The following TERF2IP variants were observed in gnomAD, a reference collection of about 807,000 sequenced individuals.
The protein encoded by TERF2IP is telomeric repeat-binding factor 2-interacting protein 1.
TERF2IP carries 35 observed loss-of-function variants against 33.3 expected under a neutral mutation model. That is an observed-to-expected ratio of 1.05 (90% CI 0.80 to 1.39). The LOEUF is 1.39. Ranked by LOEUF, TERF2IP falls within the 40% of genes most tolerant of loss-of-function variation. TERF2IP has a pLI of 0.00. For missense variants in TERF2IP, 583 were observed against 524.8 expected, an observed-to-expected ratio of 1.11 and a Z score of -1.08; for synonymous variants, 253 against 223.2, an observed-to-expected ratio of 1.13 and a Z score of -1.19.
At chr16:75,655,276 A>C (rs2082376471) in intron 2 of TERF2IP, among the ~76,000 whole-genome samples, 1 of 152,238 alleles carries the variant, frequency 6.6e-6, no homozygotes, top group Non-Finnish European at 1.5e-5. Context: ...AGTCTAGCTT[A>C]TATTACTCTG....
chr16:75,656,444 G>C lies in TERF2IP; in HGVS notation c.1033G>C (p.Ala345Pro). 1.2e-6 allele frequency: 2 copies of C among 1,614,188 alleles called. No homozygotes were observed. Among genetic ancestry groups the C allele is most frequent in the South Asian group, 1.1e-5 (1 of 91,084 alleles). The change falls in exon 3 of 3, where the codon GCT (alanine) becomes CCT (proline). Residue 345 changes from alanine (A) to proline (P), a missense_variant. Coordinates refer to ENST00000300086, the MANE Select transcript of TERF2IP (RefSeq NM_018975.4). ...AFLKNSGELE[A>P]TSAFLASGQR... ...CCTAAAAAATAGTGGTGAGCTGGAG[G>C]CTACTTCCGCCTTCTTAGCGTCTGG...
chr16:75,648,097 C>T lies in TERF2IP; in HGVS notation c.215C>T (p.Ala72Val). ...VLLAQPGEAL[A>V]EASGDFISTQ... ...CTGGCCCAGCCCGGGGAGGCGCTGG[C>T]CGAGGCCTCGGGTGATTTCATCTCC... Residue 72 changes from alanine (A) to valine (V), a missense_variant, in exon 1 of 3, where the codon GCC becomes GTC. By Grantham distance (64) the Ala-to-Val change is moderately conservative (BLOSUM62 0). Transcript: ENST00000300086. 1 of 1,559,636 alleles carries T rather than the reference C, an allele frequency of 6.4e-7. No individual in the cohort carries two copies.
rs760403232 is a variant in TERF2IP at position 75,648,104 on chromosome 16, C to T, written c.222C>T (p.Ala74=). Residue 74 remains alanine (A), a synonymous_variant, in exon 1 of 3, where the codon GCC becomes GCT. Coordinates refer to ENST00000300086, the MANE Select transcript of TERF2IP (RefSeq NM_018975.4). Reference sequence around the variant, plus strand: ...AGCCCGGGGAGGCGCTGGCCGAGGCCTCGGGTGATTTCATCTCCACGCAGT... The same window carrying T: ...AGCCCGGGGAGGCGCTGGCCGAGGCTTCGGGTGATTTCATCTCCACGCAGT... ...LAQPGEALAE[A]SGDFISTQYI... 2.6e-6 allele frequency: 4 copies of T among 1,558,636 alleles called. No individual in the cohort carries two copies. The highest frequency in any genetic ancestry group is 3.5e-6 in the Non-Finnish European group (4 of 1,152,484).
In TERF2IP at chr16:75,648,485, G is replaced by T; in HGVS notation, c.603G>T (p.Pro201=). 1.3e-6 allele frequency: 2 copies of T among 1,590,620 alleles called. No individual in the cohort carries two copies. The highest frequency in any genetic ancestry group is 1.3e-5 in the African/African-American group (1 of 74,844). The change falls in exon 1 of 3, where the codon CCG becomes CCT. Residue 201 remains proline, a synonymous_variant. Coordinates refer to ENST00000300086, the MANE Select transcript of TERF2IP (RefSeq NM_018975.4). ...ATAAGTACCTGCTGGGGGACGCGCC[G>T]GTGAGCCCCTCCTCCCAGAAGCTCA... ...QEHKYLLGDA[P]VSPSSQKLKR... is the part of the protein sequence containing the mutation.
At position 75,654,398 on chromosome 16, in the gene TERF2IP, G is replaced by C. The variant is rs762123075; in HGVS notation, c.795+1G>C. 9 of 1,612,278 alleles carry C rather than the reference G, an allele frequency of 5.6e-6. No homozygotes were observed. The African/African-American group carries it at 1.2e-4, about 22-fold the overall frequency. ...CACCCGGGAGTTTGAGGAGGTTGTG[G>C]TATGTTAACTAGATTTACTCATTAT... is the stretch of plus-strand genomic sequence containing the variant. On this transcript the variant is annotated splice_donor_variant, in intron 2 of 2. Transcript: ENST00000300086. LOFTEE classifies it high-confidence loss of function.
intron 1 of TERF2IP, among the ~76,000 whole-genome samples, chr16:75,650,210 T>A (rs1053397200): frequency 6.6e-6 from 1 of 152,160 alleles, no homozygotes; most frequent in Admixed American, 6.5e-5. Flanking sequence ...AGAAAAATAA[T>A]TCAGAGTGTA....
chr16:75,655,813 G>A (rs1051910361), intron 2 of TERF2IP, among the ~76,000 whole-genome samples: 1 of 152,186 alleles, frequency 6.6e-6, no homozygotes. Flanking sequence ...TTACAGTCTT[G>A]AGAGTGAAGT....
In TERF2IP at chr16:75,651,493, G is replaced by A. The variant is rs145791312; in HGVS notation, c.671-2780G>A. On this transcript the variant is annotated intron_variant, in intron 1 of 2. Coordinates refer to ENST00000300086, the MANE Select transcript of TERF2IP (RefSeq NM_018975.4). ...ACTTGAGGTCAGGAGTTCGAGACCA[G>A]CCTGGCCAACATGATGAAACTCCGT... Among the ~76,000 whole-genome samples, 1,259 of 152,282 alleles carry A rather than the reference G, an allele frequency of 8.3e-3. 17 individuals are homozygous for A. The highest frequency in any genetic ancestry group is 0.029 in the African/African-American group (1,203 of 41,558).
intron 1 of TERF2IP, 95 bp from the exon 2 acceptor site, chr16:75,654,178 A>T: frequency 3.0e-6 from 2 of 670,416 alleles, no homozygotes; most frequent in Non-Finnish European, 4.3e-6. Context: ...AAAAAAGTGC[A>T]GGCTCACTCC....
intron 1 of TERF2IP, among the ~76,000 whole-genome samples, chr16:75,649,881 G>A (rs548423970): frequency 1.3e-5 from 2 of 152,272 alleles, no homozygotes; most frequent in African/African-American, 4.8e-5. Context: ...GACGTACCTG[G>A]CATTGATAAC....
chr16:75,655,017 C>T (rs931382043), intron 2 of TERF2IP, among the ~76,000 whole-genome samples: 7 of 147,726 alleles, frequency 4.7e-5, no homozygotes, highest in Admixed American at 2.7e-4. Context: ...CGTGAGCCAC[C>T]GCTTTTTGTA....
In TERF2IP at chr16:75,656,712, C is replaced by A; in HGVS notation, c.*101C>A. ...GAGAGTTCTTGCATTGGAACTGGCA[C>A]TTATTTTCTGACCATCGCTGCTGTT... On this transcript the variant is annotated 3_prime_UTR_variant, in exon 3 of 3. Coordinates refer to ENST00000300086, the MANE Select transcript of TERF2IP (RefSeq NM_018975.4). 8.6e-7 allele frequency: 1 copy of A among 1,157,466 alleles called. No homozygotes were observed. Among genetic ancestry groups the A allele is most frequent in the Non-Finnish European group, 1.2e-6 (1 of 822,332 alleles). 71.7% of individuals were successfully genotyped at this position (1,157,466 alleles called of 1,614,324 possible).
At chr16:75,655,958 C>T (rs570012147) in intron 2 of TERF2IP, among the ~76,000 whole-genome samples, 1 of 152,204 alleles carries the variant, frequency 6.6e-6, no homozygotes, top group African/African-American at 2.4e-5. Context: ...CACACATATA[C>T]ACATATACTC....
chr16:75,656,829 C>G lies in TERF2IP; in HGVS notation c.*218C>G. ...GGATGTATTTACAGCTGTCCTTGAA[C>G]AAGTATCAATGTGTTTATGAAAGGA... On this transcript the variant is annotated 3_prime_UTR_variant, in exon 3 of 3. Transcript: ENST00000300086. 1.8e-6 allele frequency: 1 copy of G among 544,496 alleles called. No individual in the cohort carries two copies. Among genetic ancestry groups the G allele is most frequent in the Non-Finnish European group, 3.2e-6 (1 of 309,810 alleles). 33.7% of individuals were successfully genotyped at this position (544,496 alleles called of 1,614,324 possible). A position where few individuals can be genotyped will look rare whatever the true frequency, so the allele number is the denominator to read the frequency against.
At position 75,648,518 on chromosome 16, in the gene TERF2IP, G is replaced by C; in HGVS notation, c.636G>C (p.Lys212Asn). 2 of 1,576,462 alleles carry C rather than the reference G, an allele frequency of 1.3e-6. No individual in the cohort carries two copies. The highest frequency in any genetic ancestry group is 1.7e-6 in the Non-Finnish European group (2 of 1,159,642). The part of the protein sequence containing the change: ...VSPSSQKLKR[K>N]AEEDPEAADS... ...CCTCCTCCCAGAAGCTCAAGCGGAA[G>C]GCGGAGGAGGACCCGGAGGCCGCGG... Residue 212 changes from lysine to asparagine, a missense_variant, in exon 1 of 3, where the codon AAG (lysine) becomes AAC (asparagine). Coordinates refer to ENST00000300086, the MANE Select transcript of TERF2IP (RefSeq NM_018975.4).
intron 2 of TERF2IP, among the ~76,000 whole-genome samples, chr16:75,655,234 CT>C (rs970025144): frequency 1.3e-5 from 2 of 152,232 alleles, no homozygotes; most frequent in African/African-American, 2.4e-5. Context: ...GTACTTTGAG[CT>C]TTTTAAAAAT....
intron 1 of TERF2IP, 80 bp downstream of exon 1, chr16:75,648,632 T>G (rs1387935993): frequency 6.9e-7 from 1 of 1,445,994 alleles, no homozygotes; most frequent in Admixed American, 2.6e-5. Context: ...CTGGCGTCCA[T>G]CTTGGCATCT....
intron 1 of TERF2IP, among the ~76,000 whole-genome samples, chr16:75,652,812 A>C (rs1303976065): frequency 1.3e-5 from 2 of 152,192 alleles, no homozygotes; most frequent in African/African-American, 4.8e-5. Flanking sequence ...TGTCACCACC[A>C]TCTGTATCTA....
At chr16:75,650,652 C>T (rs2082340360) in intron 1 of TERF2IP, among the ~76,000 whole-genome samples, 1 of 152,172 alleles carries the variant, frequency 6.6e-6, no homozygotes, top group African/African-American at 2.4e-5. Flanking sequence ...CCTCCCACCT[C>T]AGCTTTCCAA....
Sources: gnomAD v4.1 joint callset for allele counts (sites outside exome capture counted in the v4.1 genomes callset) on GRCh38, gnomAD v4.1.1 for gene constraint, MANE v1.5 for transcripts, NCBI Gene and HGNC (gene_info 2026-07-23, HGNC 2026-07-21) for gene names.